NALF1: variants seen among roughly 807,000 people sequenced by gnomAD.
The protein encoded by NALF1 is NALCN channel auxiliary factor 1.
NALF1 carries 3 observed loss-of-function variants against 48.4 expected under a neutral mutation model. That is an observed-to-expected ratio of 0.06 (90% CI 0.03 to 0.16). The LOEUF (loss-of-function observed/expected upper bound fraction) is 0.16. Among genes scored for constraint, NALF1 ranks in the 10% least tolerant of loss-of-function variants. The pLI, the probability that NALF1 is intolerant of heterozygous loss-of-function variation, is 1.00. For synonymous variants in NALF1, 262 were observed against 245.7 expected (o/e 1.07, Z -0.62); for missense variants, 526 against 571.5 (o/e 0.92, Z 0.81).
chr13:107,454,150 A>T (rs1435163851), intron 1 of NALF1, among the ~76,000 whole-genome samples: 1 of 152,112 alleles, frequency 6.6e-6, no homozygotes, highest in Non-Finnish European at 1.5e-5. Flanking sequence ...CTTTCCAACT[A>T]TTCCAGCACC....
At chr13:107,304,350 C>T (rs530262792) in intron 1 of NALF1, among the ~76,000 whole-genome samples, 9 of 152,242 alleles carry the variant, frequency 5.9e-5, no homozygotes, top group East Asian at 1.9e-4. Flanking sequence ...AACAAATAAA[C>T]GAGAGATGGA....
intron 1 of NALF1, among the ~76,000 whole-genome samples, chr13:107,375,248 G>C (rs943533368): frequency 2.0e-5 from 3 of 152,168 alleles, no homozygotes; most frequent in Non-Finnish European, 4.4e-5. Flanking sequence ...TTTCAAGTAT[G>C]TGGTTTCAAA....
intron 1 of NALF1, among the ~76,000 whole-genome samples, chr13:107,704,181 T>C (rs1881892841): frequency 6.6e-6 from 1 of 152,244 alleles, no homozygotes; most frequent in African/African-American, 2.4e-5. Flanking sequence ...TATTTTAGTG[T>C]ACATTTGTGC....
intron 1 of NALF1, among the ~76,000 whole-genome samples, chr13:107,353,936 G>A (rs1005894718): frequency 1.3e-5 from 2 of 152,132 alleles, no homozygotes; most frequent in Admixed American, 6.5e-5. Context: ...GTACATGCCA[G>A]GAATAATTCT....
intron 1 of NALF1, among the ~76,000 whole-genome samples, chr13:107,801,662 T>C (rs1436537980): frequency 1.3e-5 from 2 of 152,196 alleles, no homozygotes; most frequent in Non-Finnish European, 2.9e-5. Context: ...ATGTGCCCTA[T>C]ATTGCTGACA....
intron 1 of NALF1, among the ~76,000 whole-genome samples, chr13:107,803,710 A>T (rs1878688986): frequency 6.6e-6 from 1 of 152,172 alleles, no homozygotes; most frequent in Non-Finnish European, 1.5e-5. Context: ...TTGTAAAACT[A>T]AGTACAAATA....
At chr13:107,530,718 G>C (rs1876600079) in intron 1 of NALF1, among the ~76,000 whole-genome samples, 1 of 152,040 alleles carries the variant, frequency 6.6e-6, no homozygotes, top group East Asian at 1.9e-4. Context: ...AGAAAACATA[G>C]TATCACTTAC....
intron 1 of NALF1, among the ~76,000 whole-genome samples, chr13:107,430,764 G>A (rs1884366210): frequency 6.6e-6 from 1 of 152,140 alleles, no homozygotes. Flanking sequence ...AAACATACGT[G>A]TACATGTGTC....
intron 2 of NALF1, among the ~76,000 whole-genome samples, chr13:107,210,309 A>G (rs1270321183): frequency 6.6e-6 from 1 of 152,224 alleles, no homozygotes; most frequent in African/African-American, 2.4e-5. Context: ...ATGTAAGTAT[A>G]TCTAATGATT....
At chr13:107,648,036 A>C (rs1880355730) in intron 1 of NALF1, among the ~76,000 whole-genome samples, 1 of 152,198 alleles carries the variant, frequency 6.6e-6, no homozygotes, top group Non-Finnish European at 1.5e-5. Flanking sequence ...ATTGTTTTTT[A>C]ATCAATGAGT....
chr13:107,349,468 T>C (rs1882831923), intron 1 of NALF1, among the ~76,000 whole-genome samples: 1 of 151,894 alleles, frequency 6.6e-6, no homozygotes. Flanking sequence ...GAGGGCCGGG[T>C]GCAGTGGCTC....
intron 2 of NALF1, among the ~76,000 whole-genome samples, chr13:107,201,154 A>G (rs771474633): frequency 9.5e-5 from 14 of 147,000 alleles, no homozygotes; most frequent in African/African-American, 2.1e-4. Context: ...ATATCTATCT[A>G]TCTATCTATC....
intron 1 of NALF1, among the ~76,000 whole-genome samples, chr13:107,765,032 C>T (rs1877383699): frequency 6.6e-6 from 1 of 152,148 alleles, no homozygotes; most frequent in African/African-American, 2.4e-5. Flanking sequence ...CTCTCTAAAA[C>T]AAGAGCTGCT....
chr13:107,279,551 C>T (rs1224722271), intron 1 of NALF1, among the ~76,000 whole-genome samples: 2 of 151,816 alleles, frequency 1.3e-5, no homozygotes, highest in Non-Finnish European at 2.9e-5. Flanking sequence ...CCACCGCACC[C>T]GGTGATGCCT....
chr13:107,551,345 C>T (rs544734342), intron 1 of NALF1, among the ~76,000 whole-genome samples: 5 of 152,094 alleles, frequency 3.3e-5, no homozygotes, highest in Non-Finnish European at 7.4e-5. Context: ...TTTCTGAAGT[C>T]GATAATCATA....
At chr13:107,858,877 C>G (rs1880500677) in intron 1 of NALF1, among the ~76,000 whole-genome samples, 1 of 152,112 alleles carries the variant, frequency 6.6e-6, no homozygotes, top group African/African-American at 2.4e-5. Context: ...AAAGATTGCT[C>G]TAGGGCTTAA....
chr13:107,196,333 T>C (rs921376367), intron 2 of NALF1, among the ~76,000 whole-genome samples: 1 of 152,192 alleles, frequency 6.6e-6, no homozygotes, highest in Admixed American at 6.5e-5. Context: ...AAATCATTTA[T>C]AAGTCTCTAG....
intron 1 of NALF1, among the ~76,000 whole-genome samples, chr13:107,838,004 T>C (rs947578399): frequency 1.3e-5 from 2 of 152,068 alleles, no homozygotes; most frequent in Non-Finnish European, 2.9e-5. Flanking sequence ...CTTAATTAGG[T>C]GCTCGAAATG....
rs144271840 is a variant in NALF1 at position 107,358,209 on chromosome 13, C to G, written c.916-147454G>C. 5.3e-5 allele frequency among the ~76,000 whole-genome samples: 8 copies of G among 151,630 alleles called. No individual in the cohort carries two copies. The East Asian group carries it at 1.5e-3, about 29-fold the overall frequency. On this transcript the variant is annotated intron_variant, in intron 1 of 2. Coordinates refer to ENST00000375915, the MANE Select transcript of NALF1 (RefSeq NM_001080396.3). ...GTGTGTGTGTTTAAAATAAAGCAAA[C>G]TGCTGTTACAAGTGCAAACTCTGGA...
Sources: allele counts gnomAD v4.1 joint callset (sites outside exome capture counted in the v4.1 genomes callset), GRCh38; gene constraint gnomAD v4.1.1; transcripts MANE v1.5; gene names NCBI Gene and HGNC (gene_info 2026-07-23, HGNC 2026-07-21).